Variants in CDH4 observed in about 807,000 individuals in gnomAD.
CDH4 encodes cadherin 4.
Under a neutral mutation model 86.0 loss-of-function variants are expected in CDH4, and 33 were observed. That is an observed-to-expected ratio of 0.38 (90% CI 0.29 to 0.51). The LOEUF is 0.51. Ranked by LOEUF, CDH4 falls within the 20% of genes least tolerant of loss-of-function variation. CDH4 has a pLI of 0.86. For synonymous variants in CDH4, 555 were observed against 549.4 expected (o/e 1.01, Z -0.14); for missense variants, 1,114 against 1,307.4 (o/e 0.85, Z 2.28).
In CDH4 at chr20:61,421,422, A is replaced by C. The variant is rs554908654; in HGVS notation, c.169+166485A>C. Among the ~76,000 whole-genome samples the C allele has an allele frequency of 2.0e-5, 3 of 152,356 alleles. No homozygotes were observed. The South Asian group carries it at 6.2e-4, about 32-fold the overall frequency. On this transcript the variant is annotated intron_variant, in intron 2 of 15. Transcript: ENST00000614565. ...ATTTTGATCAAAAGAAGTTAGGCAG[A>C]AAAGGAAGCTTTCTGGATGCTTTCA... is the stretch of plus-strand genomic sequence containing the variant.
rs191979282 is a variant in CDH4 at position 61,303,424 on chromosome 20, G to A, written c.169+48487G>A. Among the ~76,000 whole-genome samples the A allele has an allele frequency of 4.1e-3, 627 of 151,690 alleles. 4 individuals are homozygous for A. The highest frequency in any genetic ancestry group is 0.014 in the African/African-American group (598 of 41,372). ...ACAGCAAGGGGCTCGAGGCACAGCC[G>A]TATCCACGCCCTGCCCCGTCTGGCC... On this transcript the variant is annotated intron_variant, in intron 2 of 15. Coordinates refer to ENST00000614565, the MANE Select transcript of CDH4 (RefSeq NM_001794.5).
rs1266070717 is a variant in CDH4, at chr20:61,874,455, C to T, written c.1050+555C>T. 2.6e-5 allele frequency among the ~76,000 whole-genome samples: 4 copies of T among 152,318 alleles called. No individual in the cohort carries two copies. The East Asian group carries it at 7.7e-4, about 29-fold the overall frequency. On this transcript the variant is annotated intron_variant, in intron 7 of 15. Coordinates refer to ENST00000614565, the MANE Select transcript of CDH4 (RefSeq NM_001794.5). The stretch of plus-strand genomic sequence containing the variant: ...CCCACCTCCTGCACTGTCCTGCGGT[C>T]CTACGAGGCTTTTGTGACAGAGGCC...
At chr20:61,493,778 C>G (rs894823256) in intron 2 of CDH4, among the ~76,000 whole-genome samples, 2 of 152,184 alleles carry the variant, frequency 1.3e-5, no homozygotes, top group Non-Finnish European at 2.9e-5. Flanking sequence ...AACTTTCACT[C>G]CCAACCCTCT....
chr20:61,380,016 G>T (rs1286637302), intron 2 of CDH4, among the ~76,000 whole-genome samples: 1 of 152,024 alleles, frequency 6.6e-6, no homozygotes. Context: ...ATTTGACATT[G>T]TCCTGGGAAG....
chr20:61,680,524 G>A (rs1417363227), intron 2 of CDH4, among the ~76,000 whole-genome samples: 3 of 152,212 alleles, frequency 2.0e-5, no homozygotes, highest in Non-Finnish European at 4.4e-5. Context: ...ATGATGGGCA[G>A]GGGCTCTAAA....
At chr20:61,674,742 G>A (rs1244744334) in intron 2 of CDH4, among the ~76,000 whole-genome samples, 1 of 152,222 alleles carries the variant, frequency 6.6e-6, no homozygotes, top group Non-Finnish European at 1.5e-5. Context: ...ATTTTGGGGA[G>A]TGAGGACTGC....
chr20:61,566,049 C>T (rs2086295129), intron 2 of CDH4, among the ~76,000 whole-genome samples: 1 of 152,236 alleles, frequency 6.6e-6, no homozygotes, highest in African/African-American at 2.4e-5. Context: ...CACAGTGCCA[C>T]AGCCGGTGGG....
intron 2 of CDH4, among the ~76,000 whole-genome samples, chr20:61,531,656 G>T (rs1371038101): frequency 6.6e-6 from 1 of 152,182 alleles, no homozygotes; most frequent in Non-Finnish European, 1.5e-5. Context: ...CATCCCTGGG[G>T]GTGGGCTGGA....
At chr20:61,759,672 T>G (rs572451180) in intron 3 of CDH4, among the ~76,000 whole-genome samples, 1 of 152,300 alleles carries the variant, frequency 6.6e-6, no homozygotes, top group Non-Finnish European at 1.5e-5. Context: ...TTTTTTACTA[T>G]GAATATATTT....
intron 2 of CDH4, among the ~76,000 whole-genome samples, chr20:61,565,690 C>T (rs2086292179): frequency 6.6e-6 from 1 of 152,122 alleles, no homozygotes; most frequent in Non-Finnish European, 1.5e-5. Flanking sequence ...GATTGCTCAC[C>T]CCTGAGAACA....
In CDH4 at chr20:61,800,279, AG is replaced by A. The variant is rs370409584; in HGVS notation, c.576+27103del. On this transcript the variant is annotated intron_variant, in intron 4 of 15. Transcript: ENST00000614565. ...GCTTCTGGGAAGCTGCCCGGCCGCCAGGGGGGCAGAGCTCCTCGCCCCATGA... is the reference window on the plus strand; with the variant it reads ...GCTTCTGGGAAGCTGCCCGGCCGCCAGGGGGCAGAGCTCCTCGCCCCATGA... 3.1e-3 allele frequency among the ~76,000 whole-genome samples: 478 copies of A among 152,304 alleles called. 4 individuals are homozygous for A. Among genetic ancestry groups the A allele is most frequent in the African/African-American group, 0.011 (455 of 41,572 alleles).
In CDH4 at chr20:61,729,562, T is replaced by C. The variant is rs75515801; in HGVS notation, c.170-14001T>C. Among the ~76,000 whole-genome samples the C allele has an allele frequency of 9.9e-3, 1,513 of 152,348 alleles. 29 individuals carry two copies. The highest frequency in any genetic ancestry group is 0.071 in the South Asian group (344 of 4,816). ...CACAGCAGGGAGCTGCAAACAGGCT[T>C]GCTGAGGTCCTTTGAGGAGCTGCGT... On this transcript the variant is annotated intron_variant, in intron 2 of 15. Transcript: ENST00000614565.
At chr20:61,621,883 A>G (rs940933145) in intron 2 of CDH4, among the ~76,000 whole-genome samples, 3 of 152,258 alleles carry the variant, frequency 2.0e-5, no homozygotes, top group African/African-American at 7.2e-5. Context: ...TAATATACAT[A>G]GGTGTTTAAT....
At chr20:61,600,754 T>C (rs1179673901) in intron 2 of CDH4, among the ~76,000 whole-genome samples, 1 of 152,246 alleles carries the variant, frequency 6.6e-6, no homozygotes, top group Non-Finnish European at 1.5e-5. Flanking sequence ...TCTAGATTAC[T>C]TATAATGCCT....
intron 2 of CDH4, among the ~76,000 whole-genome samples, chr20:61,467,774 TGAA>T (rs1304118430): frequency 1.3e-5 from 2 of 152,204 alleles, no homozygotes; most frequent in African/African-American, 4.8e-5. Context: ...GGGACATTCT[TGAA>T]GACCACCCTC....
chr20:61,390,371 A>G (rs6061287), intron 2 of CDH4, among the ~76,000 whole-genome samples: 3,494 of 88,086 alleles, frequency 0.04, 10 homozygotes, highest in African/African-American at 0.093. Context: ...TCGTACAGTC[A>G]TAGGTTGCCC....
In CDH4 at chr20:61,671,760, G is replaced by T. The variant is rs374166890; in HGVS notation, c.170-71803G>T. On this transcript the variant is annotated intron_variant, in intron 2 of 15. Coordinates refer to ENST00000614565, the MANE Select transcript of CDH4 (RefSeq NM_001794.5). ...TGGATGATGAATGAATGATGGGTGG[G>T]TGTGTGGATGGATGATGGATCAATG... 4.6e-5 allele frequency among the ~76,000 whole-genome samples: 7 copies of T among 151,432 alleles called. No individual in the cohort carries two copies. The East Asian group carries it at 1.4e-3, about 30-fold the overall frequency.
At position 61,573,022 on chromosome 20, in the gene CDH4, ATGGATGGT is replaced by A. The variant is rs1302319187; in HGVS notation, c.170-170533_170-170526del. Among the ~76,000 whole-genome samples, 900 of 133,904 alleles carry A rather than the reference ATGGATGGT, an allele frequency of 6.7e-3. 4 individuals carry two copies. Among genetic ancestry groups the A allele is most frequent in the African/African-American group, 0.019 (577 of 31,022 alleles). The allele number at this position is 133,904 out of a possible 152,430, so 87.8% of individuals were successfully genotyped here. A position where few individuals can be genotyped will look rare whatever the true frequency, so the allele number is the denominator to read the frequency against. ...GACGGATGGATGGATTGATGGATGGATGGATGGTTGGATGGATGGATGGATGGATGGAT... is the reference window on the plus strand; with the variant it reads ...GACGGATGGATGGATTGATGGATGGATGGATGGATGGATGGATGGATGGAT... On this transcript the variant is annotated intron_variant, in intron 2 of 15. Coordinates refer to ENST00000614565, the MANE Select transcript of CDH4 (RefSeq NM_001794.5).
intron 2 of CDH4, among the ~76,000 whole-genome samples, chr20:61,459,458 C>G (rs765661199): frequency 9.7e-4 from 142 of 145,842 alleles, no homozygotes; most frequent in Middle Eastern, 3.6e-3. Context: ...GTGTAGGGAG[C>G]CAGGGGTGCC....
Sources: gnomAD v4.1 joint callset for allele counts (sites outside exome capture counted in the v4.1 genomes callset) on GRCh38, gnomAD v4.1.1 for gene constraint, MANE v1.5 for transcripts, NCBI Gene and HGNC (gene_info 2026-07-23, HGNC 2026-07-21) for gene names.